Variants in ASTN2 observed in about 807,000 individuals in gnomAD.
ASTN2 encodes the protein astrotactin-2.
ASTN2 carries 54 observed loss-of-function variants against 139.8 expected under a neutral mutation model. That is an observed-to-expected ratio of 0.39 (90% CI 0.31 to 0.48). ASTN2 has a LOEUF of 0.48. ASTN2 is among the 20% of genes least tolerant of loss of function. ASTN2 has a pLI of 0.95. For synonymous variants in ASTN2, 756 were observed against 719.5 expected (o/e 1.05, Z -0.81); for missense variants, 1,565 against 1,725.1 (o/e 0.91, Z 1.64).
chr9:116,442,670 A>G lies in ASTN2; in HGVS notation c.3498-117T>C, dbSNP rs545305275. The G allele has an allele frequency of 6.0e-5, 49 of 816,234 alleles. No homozygotes were observed. In the South Asian group the frequency reaches 7.1e-4, roughly 12 times the overall value. 50.6% of individuals were successfully genotyped at this position (816,234 alleles called of 1,614,324 possible). On this transcript the variant is annotated intron_variant, in intron 20 of 22. Coordinates refer to ENST00000313400, the MANE Select transcript of ASTN2 (RefSeq NM_001365068.1). ...GGCTACAGGAAAAATGATTTTAAAA[A>G]AAGAATGATACTTATAAAGCATTTA...
intron 22 of ASTN2, among the ~76,000 whole-genome samples, chr9:116,432,809 A>C (rs190290274): frequency 6.6e-6 from 1 of 152,272 alleles, no homozygotes; most frequent in Admixed American, 6.5e-5. Context: ...AGGCGCCTGT[A>C]ATCCCAGGTA....
chr9:116,731,808 G>C (rs1013666448), intron 14 of ASTN2, among the ~76,000 whole-genome samples: 4 of 152,140 alleles, frequency 2.6e-5, no homozygotes, highest in Admixed American at 1.3e-4. Flanking sequence ...CAGGTTCAGG[G>C]GCCTTTCCAT....
At chr9:116,509,883 T>C (rs542944900) in intron 19 of ASTN2, among the ~76,000 whole-genome samples, 4 of 152,140 alleles carry the variant, frequency 2.6e-5, no homozygotes, top group Admixed American at 6.5e-5. Flanking sequence ...TTTGTTTGAG[T>C]TCGTTGTAGA....
intron 1 of ASTN2, among the ~76,000 whole-genome samples, chr9:117,406,550 G>C (rs1421609430): frequency 1.3e-5 from 2 of 152,024 alleles, no homozygotes; most frequent in Non-Finnish European, 2.9e-5. Flanking sequence ...TCCCTTGAAA[G>C]GTCCAGGTGT....
intron 6 of ASTN2, among the ~76,000 whole-genome samples, chr9:117,025,315 G>A (rs186674999): frequency 6.6e-6 from 1 of 152,092 alleles, no homozygotes; most frequent in South Asian, 2.1e-4. Context: ...TAGCTACTTG[G>A]CAATATGCCC....
chr9:116,548,889 G>A, intron 19 of ASTN2, among the ~76,000 whole-genome samples: 1 of 152,164 alleles, frequency 6.6e-6, no homozygotes. Flanking sequence ...GGTGATTCCT[G>A]TAGGCAACCA....
At chr9:117,019,849 T>C (rs1253043798) in intron 6 of ASTN2, among the ~76,000 whole-genome samples, 1 of 152,080 alleles carries the variant, frequency 6.6e-6, no homozygotes, top group Non-Finnish European at 1.5e-5. Context: ...TTCTCTTCTG[T>C]AAAATGGGAC....
intron 10 of ASTN2, among the ~76,000 whole-genome samples, chr9:116,952,958 G>A (rs374786822): frequency 1.4e-4 from 22 of 152,278 alleles, no homozygotes; most frequent in African/African-American, 3.4e-4. Context: ...CAGGTGGCCC[G>A]TCTTATTGTC....
chr9:116,826,384 A>G (rs943302), intron 11 of ASTN2, among the ~76,000 whole-genome samples: 120,722 of 152,120 alleles, frequency 0.79, 48,107 homozygotes, highest in East Asian at 0.91. Flanking sequence ...ATGCTGGACT[A>G]TGTCCCAGGC....
chr9:117,214,079 G>A (rs1832228686), intron 3 of ASTN2, among the ~76,000 whole-genome samples: 1 of 152,172 alleles, frequency 6.6e-6, no homozygotes, highest in Admixed American at 6.5e-5. Context: ...AGCTGTCAAA[G>A]GAGGTAATCA....
intron 19 of ASTN2, among the ~76,000 whole-genome samples, chr9:116,549,118 G>A (rs1248724890): frequency 6.6e-6 from 1 of 152,020 alleles, no homozygotes; most frequent in Non-Finnish European, 1.5e-5. Context: ...ACCACATAAT[G>A]AGCGGCTGGT....
At chr9:116,962,415 C>T (rs923671937) in intron 10 of ASTN2, among the ~76,000 whole-genome samples, 2 of 152,196 alleles carry the variant, frequency 1.3e-5, no homozygotes, top group African/African-American at 2.4e-5. Context: ...CCATAGGAAC[C>T]AAATCCCTCA....
chr9:117,186,404 G>A (rs1023135394), intron 3 of ASTN2, among the ~76,000 whole-genome samples: 18 of 151,808 alleles, frequency 1.2e-4, no homozygotes, highest in African/African-American at 1.5e-4. Context: ...AAAATTAGCC[G>A]GGTGTGGTGG....
At chr9:116,938,556 A>G (rs1462574067) in intron 10 of ASTN2, among the ~76,000 whole-genome samples, 1 of 151,144 alleles carries the variant, frequency 6.6e-6, no homozygotes. Flanking sequence ...AATACCCCCC[A>G]CTCCAAAGCA....
chr9:116,602,640 T>C (rs1023419708), intron 19 of ASTN2, among the ~76,000 whole-genome samples: 1 of 151,898 alleles, frequency 6.6e-6, no homozygotes, highest in African/African-American at 2.4e-5. Context: ...GGTTTAAGAA[T>C]GATGAAGGCT....
chr9:117,160,307 T>C (rs1830519201), intron 3 of ASTN2, among the ~76,000 whole-genome samples: 1 of 151,998 alleles, frequency 6.6e-6, no homozygotes, highest in Non-Finnish European at 1.5e-5. Context: ...GAGGCATCTG[T>C]GGTGACACAG....
intron 13 of ASTN2, among the ~76,000 whole-genome samples, chr9:116,747,693 GCACACACACACA>G (rs56265727): frequency 0.53 from 79,553 of 149,088 alleles, 22,122 homozygotes; most frequent in Admixed American, 0.65. Context: ...GTGTGCATGA[GCACACACACACA>G]CACACACACA....
chr9:117,109,828 G>A (rs555315335), intron 4 of ASTN2, among the ~76,000 whole-genome samples: 1 of 152,106 alleles, frequency 6.6e-6, no homozygotes, highest in South Asian at 2.1e-4. Flanking sequence ...CAGCCTTTCC[G>A]GGAGTATTCT....
chr9:116,984,736 A>T (rs1181224368), intron 7 of ASTN2, among the ~76,000 whole-genome samples: 1 of 152,232 alleles, frequency 6.6e-6, no homozygotes, highest in Non-Finnish European at 1.5e-5. Flanking sequence ...TCATCAGGGG[A>T]TACATTTTAC....
Sources: gnomAD v4.1 joint callset for allele counts (sites outside exome capture counted in the v4.1 genomes callset) on GRCh38, gnomAD v4.1.1 for gene constraint, MANE v1.5 for transcripts, NCBI Gene and HGNC (gene_info 2026-07-23, HGNC 2026-07-21) for gene names.